Variants in LAMA3 observed in about 807,000 individuals in gnomAD.
LAMA3 encodes the protein laminin subunit alpha-3.
LAMA3 carries 281 observed loss-of-function variants against 402.0 expected under a neutral mutation model. That is an observed-to-expected ratio of 0.70 (90% CI 0.63 to 0.77). The LOEUF (loss-of-function observed/expected upper bound fraction) is 0.77. LAMA3 is among the 30% of genes least tolerant of loss of function. LAMA3 has a pLI of 0.00. For synonymous variants in LAMA3, 1,431 were observed against 1,558.4 expected (o/e 0.92, Z 1.93); for missense variants, 3,840 against 4,215.5 (o/e 0.91, Z 2.47).
At chr18:23,855,140 G>T (rs2064042475) in intron 32 of LAMA3, among the ~76,000 whole-genome samples, 2 of 152,226 alleles carry the variant, frequency 1.3e-5, no homozygotes, top group African/African-American at 4.8e-5. Context: ...GGCGTTCAGT[G>T]TGTGAGTTGC....
intron 21 of LAMA3, 129 bp downstream of exon 21, chr18:23,824,694 A>G (rs1480532750): frequency 2.0e-6 from 2 of 1,022,618 alleles, no homozygotes; most frequent in East Asian, 2.4e-5. Context: ...CACAGGAACA[A>G]TTCAGCCCCA....
intron 41 of LAMA3, among the ~76,000 whole-genome samples, chr18:23,885,611 A>C (rs1431662906): frequency 6.6e-6 from 1 of 152,120 alleles, no homozygotes; most frequent in Non-Finnish European, 1.5e-5. Context: ...CCAAGTACTG[A>C]GAAAGATATA....
chr18:23,809,321 G>A (rs949483706), intron 12 of LAMA3, among the ~76,000 whole-genome samples: 1 of 152,218 alleles, frequency 6.6e-6, no homozygotes, highest in Non-Finnish European at 1.5e-5. Context: ...GAATCCAGAT[G>A]TGTCTGACTC....
intron 20 of LAMA3, among the ~76,000 whole-genome samples, chr18:23,823,226 GC>G (rs2063321489): frequency 6.6e-6 from 1 of 152,162 alleles, no homozygotes; most frequent in Non-Finnish European, 1.5e-5. Context: ...AGCACCCATT[GC>G]CTCACATCAT....
At chr18:23,746,098 A>T (rs1449191465) in intron 2 of LAMA3, among the ~76,000 whole-genome samples, 4 of 152,220 alleles carry the variant, frequency 2.6e-5, no homozygotes, top group African/African-American at 9.6e-5. Flanking sequence ...AGAGTACATT[A>T]TAATTCCTAA....
chr18:23,947,448 C>G (rs972776308), intron 70 of LAMA3, among the ~76,000 whole-genome samples: 2 of 152,144 alleles, frequency 1.3e-5, no homozygotes, highest in Non-Finnish European at 2.9e-5. Context: ...AAAAGAGCCC[C>G]GGGCTCAAAT....
In LAMA3 at chr18:23,822,264, A is replaced by G. The variant is rs1013651332; in HGVS notation, c.2317A>G (p.Ile773Val). 1.1e-5 allele frequency: 17 copies of G among 1,614,022 alleles called. No homozygotes were observed. Among genetic ancestry groups the G allele is most frequent in the Non-Finnish European group, 1.4e-5 (17 of 1,179,906 alleles). The change falls in exon 20 of 75, where the codon ATA becomes GTA. Residue 773 changes from isoleucine to valine, a missense_variant. Ile to Val is a conservative substitution (Grantham distance 29, BLOSUM62 3). This residue lies in a region of LAMA3 where 2,109 missense variants were observed against 2,376.0 expected (regional missense o/e 0.89). Coordinates refer to ENST00000313654, the MANE Select transcript of LAMA3 (RefSeq NM_198129.4). ...CGGTATTTTTCAGAATGATGTAAGA[A>G]TAACATTGAATGTAGGGAAGTCAAG... ...QMTSVQNDVRITLNVGKSSGS... is the reference protein window; with the variant it reads ...QMTSVQNDVRVTLNVGKSSGS...
chr18:23,896,456 C>T (rs990696649), intron 44 of LAMA3, among the ~76,000 whole-genome samples: 3 of 152,198 alleles, frequency 2.0e-5, no homozygotes, highest in African/African-American at 7.2e-5. Flanking sequence ...CTTTCATGGT[C>T]AGAGAACACG....
rs760487161 is a variant in LAMA3 at position 23,894,988 on chromosome 18, AG to A, written c.5546del (p.Gly1849AlafsTer2). On this transcript the variant is annotated frameshift_variant, in exon 44 of 75. Transcript: ENST00000313654. LOFTEE classifies it high-confidence loss of function. ...CTCCGCCTGGTCAAGTCTCAGCTGC[AG>A]GGCCTGAGTGCCAGCGCAGGGCTTC... Reference protein sequence around the residue: ...EQLRLVKSQLQGLSASAGLLE... With the variant: ...EQLRLVKSQLXGLSASAGLLE... The A allele has an allele frequency of 5.0e-6, 8 of 1,613,726 alleles. No individual in the cohort carries two copies. The highest frequency in any genetic ancestry group is 6.8e-6 in the Non-Finnish European group (8 of 1,179,870).
chr18:23,697,629 G>A (rs1429648540), intron 1 of LAMA3, among the ~76,000 whole-genome samples: 6 of 152,110 alleles, frequency 3.9e-5, no homozygotes, highest in Non-Finnish European at 8.8e-5. Flanking sequence ...GCTCATTGGA[G>A]CTTCCTGGAT....
intron 22 of LAMA3, 32 bp downstream of exon 22, chr18:23,826,831 A>G: frequency 7.4e-7 from 1 of 1,343,470 alleles, no homozygotes; most frequent in Non-Finnish European, 1.0e-6. Context: ...CAGCCGCATC[A>G]TTGGGGTCCT....
chr18:23,758,135 C>T (rs553486326), intron 6 of LAMA3, among the ~76,000 whole-genome samples: 1 of 152,334 alleles, frequency 6.6e-6, no homozygotes, highest in Non-Finnish European at 1.5e-5. Context: ...AAGTCTGGCT[C>T]TCCATTTATC....
chr18:23,891,249 G>A (rs2080652006), intron 42 of LAMA3, among the ~76,000 whole-genome samples: 1 of 152,178 alleles, frequency 6.6e-6, no homozygotes, highest in African/African-American at 2.4e-5. Flanking sequence ...AGTGAGGCCT[G>A]GGACAAAATC....
At chr18:23,914,583 C>T in intron 57 of LAMA3, 22 bp downstream of exon 57, 1 of 1,613,404 alleles carries the variant, frequency 6.2e-7, no homozygotes. Flanking sequence ...ATTGACTGTA[C>T]CTGTGCTCAC....
At chr18:23,779,574 A>G (rs185294403) in intron 11 of LAMA3, among the ~76,000 whole-genome samples, 55 of 152,022 alleles carry the variant, frequency 3.6e-4, no homozygotes, top group African/African-American at 9.9e-4. Context: ...AACAAGAGAA[A>G]GCAGAATACA....
intron 34 of LAMA3, among the ~76,000 whole-genome samples, chr18:23,859,716 A>C (rs2064169405): frequency 6.6e-6 from 1 of 152,194 alleles, no homozygotes; most frequent in Non-Finnish European, 1.5e-5. Context: ...GAGCTCTCCC[A>C]AACTACCATT....
rs2061706324 is a variant in LAMA3, at chr18:23,749,436, G to A, written c.574G>A (p.Val192Ile). Residue 192 changes from valine to isoleucine, a missense_variant, in exon 4 of 75, where the codon GTA (valine) becomes ATA (isoleucine). Transcript: ENST00000313654. ...SPWQYFAHSKVDCLKEFGREA... is the reference protein window; with the variant it reads ...SPWQYFAHSKIDCLKEFGREA... ...AAATATTTTCCTTCTAGATTCTAAA[G>A]TAGACTGTTTAAAAGAATTTGGGCG... 2.6e-6 allele frequency: 4 copies of A among 1,564,598 alleles called. No individual in the cohort carries two copies. Among genetic ancestry groups the A allele is most frequent in the Non-Finnish European group, 3.5e-6 (4 of 1,136,416 alleles).
intron 2 of LAMA3, among the ~76,000 whole-genome samples, chr18:23,742,636 T>A (rs1005391815): frequency 7.0e-6 from 1 of 143,578 alleles, no homozygotes; most frequent in African/African-American, 2.7e-5. Context: ...TAACTTCCTT[T>A]CAAAGAATCA....
At chr18:23,904,737 A>G in intron 51 of LAMA3, 43 bp downstream of exon 51, 1 of 1,603,718 alleles carries the variant, frequency 6.2e-7, no homozygotes, top group South Asian at 1.1e-5. Flanking sequence ...CGCTGTGGAG[A>G]TGGCTGATTT....
Sources: gnomAD v4.1 joint callset for allele counts (sites outside exome capture counted in the v4.1 genomes callset) on GRCh38, gnomAD v4.1.1 for gene constraint, gnomAD v4.1.1 regional missense constraint, MANE v1.5 for transcripts, NCBI Gene and HGNC (gene_info 2026-07-23, HGNC 2026-07-21) for gene names.